Variants in USP4 observed in about 807,000 individuals in gnomAD.
USP4 encodes the protein ubiquitin specific peptidase 4.
In USP4, 72 loss-of-function variants were observed where a neutral mutation model predicts 118.2. The observed-to-expected ratio is 0.61, with a 90% CI of 0.50 to 0.74. The LOEUF (loss-of-function observed/expected upper bound fraction) is 0.74. Ranked by LOEUF, USP4 falls within the 30% of genes least tolerant of loss-of-function variation. The probability of loss-of-function intolerance (pLI) is 0.00; values close to 1 mark genes in which losing one functional copy is unlikely to be tolerated. For missense variants in USP4, 1,037 were observed against 1,185.7 expected (o/e 0.87, Z 1.84); for synonymous variants, 415 against 440.4 (o/e 0.94, Z 0.72).
intron 6 of USP4, among the ~76,000 whole-genome samples, chr3:49,323,688 C>G (rs1020342554): frequency 3.3e-5 from 5 of 152,124 alleles, no homozygotes; most frequent in Non-Finnish European, 7.3e-5. Flanking sequence ...CTCAAATGAC[C>G]TAGGAGCCCA....
At chr3:49,316,963 C>T in intron 6 of USP4, 1 of 642,962 alleles carries the variant, frequency 1.6e-6, no homozygotes, top group South Asian at 1.9e-5. Flanking sequence ...GCAGCTGCCC[C>T]TCTTAGCACC....
In USP4 at chr3:49,280,724, A is replaced by C. The variant is rs1345832819; in HGVS notation, c.2644+20T>G. 1 of 1,595,162 alleles carries C rather than the reference A, an allele frequency of 6.3e-7. No individual in the cohort carries two copies. The highest frequency in any genetic ancestry group is 1.3e-5 in the African/African-American group (1 of 74,532). On this transcript the variant is annotated intron_variant, in intron 20 of 21. Transcript: ENST00000265560. ...GAGCACATTTCAACATCTCAGAAGG[A>C]AGCAGATGTCAATACTTACAGTGGC...
intron 13 of USP4, among the ~76,000 whole-genome samples, chr3:49,295,764 G>A (rs1013792988): frequency 6.7e-6 from 1 of 148,856 alleles, no homozygotes; most frequent in Non-Finnish European, 1.5e-5. Context: ...CTAGCAAACA[G>A]TCCTGACTGA....
intron 6 of USP4, 23 bp downstream of exon 6, chr3:49,324,679 C>T: frequency 6.2e-7 from 1 of 1,611,216 alleles, no homozygotes; most frequent in Non-Finnish European, 8.5e-7. Flanking sequence ...GAGCCTACAA[C>T]AAGGGAGAAA....
chr3:49,339,500 T>C, intron 1 of USP4, among the ~76,000 whole-genome samples: 1 of 152,236 alleles, frequency 6.6e-6, no homozygotes, highest in East Asian at 1.9e-4. Flanking sequence ...TTACAAAGTA[T>C]CTACTTCTGA....
At chr3:49,305,671 T>C in intron 9 of USP4, 44 bp downstream of exon 9, 2 of 1,448,642 alleles carry the variant, frequency 1.4e-6, no homozygotes, top group Non-Finnish European at 1.8e-6. Flanking sequence ...CCCAGGCATC[T>C]ATATACAGGG....
At chr3:49,323,126 C>G (rs1273276119) in intron 6 of USP4, among the ~76,000 whole-genome samples, 3 of 151,692 alleles carry the variant, frequency 2.0e-5, no homozygotes, top group African/African-American at 7.3e-5. Context: ...CACCACCACG[C>G]CTGGCTAATT....
intron 1 of USP4, among the ~76,000 whole-genome samples, chr3:49,338,374 G>A (rs1042455652): frequency 4.6e-5 from 7 of 151,818 alleles, no homozygotes; most frequent in African/African-American, 1.7e-4. Flanking sequence ...AAGTACCTCT[G>A]CTAGGCCGGG....
In USP4 at chr3:49,327,694, C is replaced by T. The variant is rs201804450; in HGVS notation, c.352G>A (p.Val118Ile). The T allele has an allele frequency of 1.2e-4, 190 of 1,614,052 alleles. 1 individual carries two copies. The East Asian group carries it at 3.9e-3, about 33-fold the overall frequency. Residue 118 changes from valine (V) to isoleucine (I), a missense_variant, in exon 3 of 22, where the codon GTC becomes ATC. This residue lies in a region of USP4 where 487 missense variants were observed against 534.1 expected (regional missense o/e 0.91). Coordinates refer to ENST00000265560, the MANE Select transcript of USP4 (RefSeq NM_003363.4). The stretch of plus-strand genomic sequence containing the variant: ...CAATTCACATAACTCACTTTTCTGA[C>T]GATGGGTTGCTGGCCTTCTACACAG... ...YGCVEGQQPI[V>I]RKVVEHGLFV...
chr3:49,291,573 CAAAAAAA>C (rs768383989), intron 15 of USP4, among the ~76,000 whole-genome samples: 2,528 of 46,958 alleles, frequency 0.054, 82 homozygotes, highest in African/African-American at 0.16. Flanking sequence ...GATTCCGTCT[CAAAAAAA>C]AAAAAAAAAA....
Position 49,300,583 on chromosome 3 carries a change from T to G in USP4, c.1396A>C (p.Lys466Gln), listed in dbSNP as rs1317044840. ...AATGGGTCAAAGGTCACAGAAACCT[T>G]AGCACATTCTGGGCAAACCAAAGTA... ...KSTLVCPECA[K>Q]VSVTFDPFCY... The change falls in exon 11 of 22, where the codon AAG (lysine) becomes CAG (glutamine). Residue 466 changes from lysine (K) to glutamine (Q), a missense_variant. Physicochemically the swap from Lys to Gln is moderately conservative, Grantham distance 53. Coordinates refer to ENST00000265560, the MANE Select transcript of USP4 (RefSeq NM_003363.4). 2 of 1,614,180 alleles carry G rather than the reference T, an allele frequency of 1.2e-6. No individual in the cohort carries two copies. Among genetic ancestry groups the G allele is most frequent in the Non-Finnish European group, 1.7e-6 (2 of 1,180,028 alleles).
Position 49,295,288 on chromosome 3 carries a change from C to CAAAAAAAAAAAAAAAAAAAA in USP4, c.1692-710_1692-691dup, listed in dbSNP as rs34296887. ...TGGGCAACAGAGCGAGACTCCATCTCAAAAAAAAAAAAAAAAAAAAAAAAA... is the reference window on the plus strand; with the variant it reads ...TGGGCAACAGAGCGAGACTCCATCTCAAAAAAAAAAAAAAAAAAAAAAAAAAAAAAAAAAAAAAAAAAAAA... On this transcript the variant is annotated intron_variant, in intron 13 of 21. Transcript: ENST00000265560. Among the ~76,000 whole-genome samples, 11 of 11,944 alleles carry CAAAAAAAAAAAAAAAAAAAA rather than the reference C, an allele frequency of 9.2e-4. 3 individuals are homozygous for CAAAAAAAAAAAAAAAAAAAA. Among genetic ancestry groups the CAAAAAAAAAAAAAAAAAAAA allele is most frequent in the Non-Finnish European group, 1.4e-3 (8 of 5,600 alleles). The allele number at this position is 11,944 out of a possible 152,430, so 7.8% of individuals were successfully genotyped here. A position where few individuals can be genotyped will look rare whatever the true frequency, so the allele number is the denominator to read the frequency against.
chr3:49,335,810 G>T (rs1048476659), intron 1 of USP4, among the ~76,000 whole-genome samples: 1 of 152,200 alleles, frequency 6.6e-6, no homozygotes, highest in African/African-American at 2.4e-5. Flanking sequence ...ATTGTTCAAA[G>T]AGTGAATAAA....
intron 2 of USP4, among the ~76,000 whole-genome samples, chr3:49,331,343 T>G (rs1463570583): frequency 6.8e-6 from 1 of 146,430 alleles, no homozygotes; most frequent in Non-Finnish European, 1.5e-5. Flanking sequence ...TCGGTAAACT[T>G]GTTGTGGTGG....
At chr3:49,330,335 C>CT (rs879439501) in intron 2 of USP4, among the ~76,000 whole-genome samples, 4,050 of 146,204 alleles carry the variant, frequency 0.028, 162 homozygotes, top group African/African-American at 0.093. Flanking sequence ...GGAGCAGTAA[C>CT]TTTTTTTTTT....
At chr3:49,313,388 C>A (rs1465628404) in intron 6 of USP4, among the ~76,000 whole-genome samples, 1 of 152,012 alleles carries the variant, frequency 6.6e-6, no homozygotes, top group African/African-American at 2.4e-5. Flanking sequence ...ATTAGCCAGG[C>A]CTAGTGGCGC....
Position 49,325,771 on chromosome 3 carries a change from G to A in USP4, c.435C>T (p.Asn145=), listed in dbSNP as rs2047547654. The A allele has an allele frequency of 1.2e-6, 2 of 1,613,910 alleles. No individual in the cohort carries two copies. The highest frequency in any genetic ancestry group is 1.7e-6 in the Non-Finnish European group (2 of 1,179,976). The stretch of plus-strand genomic sequence containing the variant: ...AACTCAGCACATTGGTGGGGTCACT[G>A]TTCTCACAGAGCTTCAGTTCCAGCA... The part of the protein sequence containing the change: ...VYLLELKLCE[N]SDPTNVLSCH... Residue 145 remains asparagine (N), a synonymous_variant, in exon 4 of 22, where the codon AAC becomes AAT. Coordinates refer to ENST00000265560, the MANE Select transcript of USP4 (RefSeq NM_003363.4).
Position 49,277,938 on chromosome 3 carries a change from G to A in USP4, c.*355C>T. 2.5e-6 allele frequency: 1 copy of A among 407,970 alleles called. No individual in the cohort carries two copies. The highest frequency in any genetic ancestry group is 4.3e-6 in the Non-Finnish European group (1 of 232,850). 25.3% of individuals were successfully genotyped at this position (407,970 alleles called of 1,614,324 possible). The stretch of plus-strand genomic sequence containing the variant: ...AAATCCAGGCGCTCAGGGCAGCCCT[G>A]CAGGTGGGGTGGGTCTCCAGGCTGC... On this transcript the variant is annotated 3_prime_UTR_variant, in exon 22 of 22. Transcript: ENST00000265560.
intron 13 of USP4, 23 bp downstream of exon 13, chr3:49,297,847 A>C: frequency 6.3e-7 from 1 of 1,587,524 alleles, no homozygotes; most frequent in Non-Finnish European, 8.7e-7. Context: ...CCTGACCTGC[A>C]GCAGAAACTG....
Sources: gnomAD v4.1 joint callset for allele counts (sites outside exome capture counted in the v4.1 genomes callset) on GRCh38, gnomAD v4.1.1 for gene constraint, gnomAD v4.1.1 regional missense constraint, MANE v1.5 for transcripts, NCBI Gene and HGNC (gene_info 2026-07-23, HGNC 2026-07-21) for gene names.